Variants in TSPAN11 observed in about 807,000 individuals in gnomAD.
TSPAN11 encodes the protein tetraspanin-11.
TSPAN11 carries 29 observed loss-of-function variants against 32.9 expected under a neutral mutation model. That is an observed-to-expected ratio of 0.88 (90% CI 0.66 to 1.20). The LOEUF is 1.20. TSPAN11 is among the 50% of genes most tolerant of loss of function. TSPAN11 has a pLI of 0.00. For missense variants in TSPAN11, 283 were observed against 329.1 expected, an observed-to-expected ratio of 0.86 and a Z score of 1.08; for synonymous variants, 140 against 141.3, an observed-to-expected ratio of 0.99 and a Z score of 0.07.
chr12:30,951,319 A>G (rs1297323028), intron 1 of TSPAN11, among the ~76,000 whole-genome samples: 3 of 152,206 alleles, frequency 2.0e-5, no homozygotes, highest in African/African-American at 7.2e-5. Context: ...CAGGTGACTA[A>G]GTATCTAACT....
intron 1 of TSPAN11, among the ~76,000 whole-genome samples, chr12:30,936,477 A>G (rs1411056176): frequency 6.6e-6 from 1 of 152,166 alleles, no homozygotes; most frequent in Non-Finnish European, 1.5e-5. Flanking sequence ...AGATACATGA[A>G]CCACCAAACA....
chr12:30,988,205 C>T (rs1443562521), intron 7 of TSPAN11, among the ~76,000 whole-genome samples: 1 of 152,208 alleles, frequency 6.6e-6, no homozygotes. Flanking sequence ...TGCTGAGGTA[C>T]CACCCGATCA....
chr12:30,945,291 A>G (rs1369528379), intron 1 of TSPAN11, among the ~76,000 whole-genome samples: 1 of 152,020 alleles, frequency 6.6e-6, no homozygotes, highest in Non-Finnish European at 1.5e-5. Context: ...GAAGTTGTTT[A>G]TATGCCTATG....
intron 4 of TSPAN11, among the ~76,000 whole-genome samples, chr12:30,979,130 C>T (rs1383217967): frequency 1.3e-5 from 2 of 152,188 alleles, no homozygotes; most frequent in African/African-American, 4.8e-5. Context: ...AGAGACAGTG[C>T]GACCCTGCTG....
At chr12:30,966,358 C>T (rs894988028) in intron 3 of TSPAN11, among the ~76,000 whole-genome samples, 3 of 152,192 alleles carry the variant, frequency 2.0e-5, no homozygotes, top group African/African-American at 7.2e-5. Context: ...CACCTGGTCA[C>T]CCCAGCAGGT....
intron 1 of TSPAN11, among the ~76,000 whole-genome samples, chr12:30,946,963 A>AACCAGGAATTG (rs1938281787): frequency 5.9e-5 from 9 of 152,156 alleles, no homozygotes; most frequent in African/African-American, 9.7e-5. Context: ...CATTGGTTCA[A>AACCAGGAATTG]GAAGCCCAAT....
Position 30,978,376 on chromosome 12 carries a change from A to G in TSPAN11, c.277-185A>G, listed in dbSNP as rs1182281190. 6.4e-6 allele frequency: 4 copies of G among 624,194 alleles called. No homozygotes were observed. In the African/African-American group the frequency reaches 7.3e-5, roughly 11 times the overall value. The allele number at this position is 624,194 out of a possible 1,614,324, so 38.7% of individuals were successfully genotyped here. A position where few individuals can be genotyped will look rare whatever the true frequency, so the allele number is the denominator to read the frequency against. ...GCCGTACTGAATTGTCAGCAGACCA[A>G]AGAGGGAAGGAGTAAGTGGGGAACT... On this transcript the variant is annotated intron_variant, in intron 3 of 7. Coordinates refer to ENST00000546076, the MANE Select transcript of TSPAN11 (RefSeq NM_001370302.1).
intron 2 of TSPAN11, among the ~76,000 whole-genome samples, chr12:30,955,468 G>A (rs1011821319): frequency 1.3e-5 from 2 of 152,258 alleles, no homozygotes; most frequent in African/African-American, 4.8e-5. Context: ...AAAGTCTTAT[G>A]TATCCACTAC....
chr12:30,986,467 G>C (rs1187398451), intron 7 of TSPAN11, among the ~76,000 whole-genome samples: 6 of 152,204 alleles, frequency 3.9e-5, no homozygotes, highest in Admixed American at 3.9e-4. Context: ...AGCTGTTTCA[G>C]GCAGGGACAA....
chr12:30,964,053 G>T (rs368035083), intron 3 of TSPAN11, 36 bp downstream of exon 3: 23 of 1,593,614 alleles, frequency 1.4e-5, no homozygotes, highest in Non-Finnish European at 1.9e-5. Context: ...GGGATGGGGA[G>T]CCCTGCACCA....
chr12:31,007,070 C>T, the TSPAN11 span, among the ~76,000 whole-genome samples: 1 of 152,160 alleles, frequency 6.6e-6, no homozygotes, highest in Non-Finnish European at 1.5e-5. Context: ...CAGGGGTGAC[C>T]TCTTGTGCTG....
intron 1 of TSPAN11, among the ~76,000 whole-genome samples, chr12:30,949,038 G>A (rs1169360396): frequency 6.6e-6 from 1 of 152,180 alleles, no homozygotes; most frequent in Non-Finnish European, 1.5e-5. Flanking sequence ...CAGTCTCTTT[G>A]GTAAAACATA....
At chr12:30,953,003 A>G (rs1454616884) in intron 1 of TSPAN11, among the ~76,000 whole-genome samples, 1 of 152,172 alleles carries the variant, frequency 6.6e-6, no homozygotes, top group Non-Finnish European at 1.5e-5. Flanking sequence ...TCAGACTGAG[A>G]AGCAAACAGG....
In TSPAN11 at chr12:30,978,822, G is replaced by A. The variant is rs1327811072; in HGVS notation, c.351+187G>A. 3 of 597,028 alleles carry A rather than the reference G, an allele frequency of 5.0e-6. No homozygotes were observed. The African/African-American group carries it at 5.5e-5, about 11-fold the overall frequency. The allele number at this position is 597,028 out of a possible 1,614,324, so 37.0% of individuals were successfully genotyped here. Reference sequence around the variant, plus strand: ...GTCCTGGCTCCAGCAATTCTGTGCTGCATCTGTGGATGCTGATGTCTTCCA... The same window carrying A: ...GTCCTGGCTCCAGCAATTCTGTGCTACATCTGTGGATGCTGATGTCTTCCA... On this transcript the variant is annotated intron_variant, in intron 4 of 7. Transcript: ENST00000546076.
intron 7 of TSPAN11, among the ~76,000 whole-genome samples, chr12:30,986,420 T>C (rs989370125): frequency 2.0e-5 from 3 of 152,216 alleles, no homozygotes; most frequent in African/African-American, 7.2e-5. Context: ...AATGGAAATA[T>C]CACGTAGGAG....
chr12:30,941,053 G>A (rs1938150413), intron 1 of TSPAN11, among the ~76,000 whole-genome samples: 1 of 152,170 alleles, frequency 6.6e-6, no homozygotes, highest in Non-Finnish European at 1.5e-5. Flanking sequence ...CCAGTCCCTG[G>A]TGCCAAAAAG....
chr12:30,947,682 G>A lies in TSPAN11; in HGVS notation c.-11-6299G>A, dbSNP rs532907854. On this transcript the variant is annotated intron_variant, in intron 1 of 7. Coordinates refer to ENST00000546076, the MANE Select transcript of TSPAN11 (RefSeq NM_001370302.1). ...CCATGATTCAGTTACCTCCCCGGGG[G>A]TCCCTCCCACAACATATGGGAATTC... Among the ~76,000 whole-genome samples the A allele has an allele frequency of 4.6e-5, 7 of 152,276 alleles. No homozygotes were observed. In the South Asian group the frequency reaches 1.5e-3, roughly 32 times the overall value.
chr12:31,014,361 T>C, the TSPAN11 span, among the ~76,000 whole-genome samples: 2 of 152,342 alleles, frequency 1.3e-5, no homozygotes, highest in East Asian at 3.9e-4. Flanking sequence ...GTTAGAACCA[T>C]TCTAACACCT....
intron 3 of TSPAN11, among the ~76,000 whole-genome samples, chr12:30,973,397 G>C (rs1938893635): frequency 6.6e-6 from 1 of 152,198 alleles, no homozygotes. Context: ...TGTTACATGT[G>C]GGTACCATGT....
Sources: allele counts gnomAD v4.1 joint callset (sites outside exome capture counted in the v4.1 genomes callset), GRCh38; gene constraint gnomAD v4.1.1; transcripts MANE v1.5; gene names NCBI Gene and HGNC (gene_info 2026-07-23, HGNC 2026-07-21).